The following ZCCHC14 variants were observed in gnomAD, a reference collection of about 807,000 sequenced individuals.
ZCCHC14 encodes zinc finger CCHC domain-containing protein 14.
A neutral mutation model predicts 85.0 loss-of-function variants in ZCCHC14; 16 were observed. That is an observed-to-expected ratio of 0.19 (90% CI 0.13 to 0.29). The LOEUF (loss-of-function observed/expected upper bound fraction) is 0.29, where lower values mean the gene tolerates loss of function less well. Among genes scored for constraint, ZCCHC14 ranks in the 10% least tolerant of loss-of-function variants. The pLI, the probability that ZCCHC14 is intolerant of heterozygous loss-of-function variation, is 1.00. For missense variants in ZCCHC14, 1,303 were observed against 1,443.5 expected (o/e 0.90, Z 1.58); for synonymous variants, 775 against 630.7 (o/e 1.23, Z -3.43).
Position 87,423,897 on chromosome 16 carries a change from A to C in ZCCHC14, c.769-16T>G, listed in dbSNP as rs1282144274. ...ACCACAAGACCTTAAAAACAAACAA[A>C]CAAACAAACCTTAGAAACAGACACC... On this transcript the variant is annotated splice_polypyrimidine_tract_variant and intron_variant, in intron 3 of 12. Transcript: ENST00000671377. 6.2e-7 allele frequency: 1 copy of C among 1,613,284 alleles called. No homozygotes were observed. The highest frequency in any genetic ancestry group is 1.3e-5 in the African/African-American group (1 of 74,908).
In ZCCHC14 at chr16:87,414,493, G is replaced by A. The variant is rs757011915; in HGVS notation, c.1524C>T (p.Val508=). The change falls in exon 10 of 13, where the codon GTC becomes GTT. Residue 508 remains valine, a synonymous_variant. Coordinates refer to ENST00000671377, the MANE Select transcript of ZCCHC14 (RefSeq NM_015144.3). ...RCLNPSAPPL[V]TSSGVARVPP... ...GCACTCGAGCCACACCACTGCTGGT[G>A]ACCAGCGGCGGGGCCGAGGGGTTCA... is the stretch of plus-strand genomic sequence containing the variant. The A allele has an allele frequency of 1.2e-6, 2 of 1,613,112 alleles. No homozygotes were observed. Among genetic ancestry groups the A allele is most frequent in the Admixed American group, 1.7e-5 (1 of 59,956 alleles).
chr16:87,461,240 T>C (rs1169738298), intron 1 of ZCCHC14, among the ~76,000 whole-genome samples: 2 of 152,180 alleles, frequency 1.3e-5, no homozygotes, highest in African/African-American at 2.4e-5. Flanking sequence ...ATGGTGTGAA[T>C]GTGGAATAAG....
At chr16:87,462,162 A>G (rs1244198987) in intron 1 of ZCCHC14, among the ~76,000 whole-genome samples, 1 of 151,504 alleles carries the variant, frequency 6.6e-6, no homozygotes, top group Non-Finnish European at 1.5e-5. Context: ...CAACTCCTCC[A>G]GAAAGTCAAT....
At chr16:87,441,886 A>G (rs1039874642) in intron 2 of ZCCHC14, among the ~76,000 whole-genome samples, 13 of 152,300 alleles carry the variant, frequency 8.5e-5, no homozygotes, top group African/African-American at 3.1e-4. Flanking sequence ...AAGCCCCTGG[A>G]AGGGAGACGC....
intron 2 of ZCCHC14, among the ~76,000 whole-genome samples, chr16:87,447,445 A>G (rs983671762): frequency 6.6e-6 from 1 of 152,226 alleles, no homozygotes; most frequent in Non-Finnish European, 1.5e-5. Context: ...TCAATTCTCT[A>G]AAAAGTCTTG....
Position 87,408,254 on chromosome 16 carries a change from C to T in ZCCHC14, c.*2026G>A, listed in dbSNP as rs990879333. ...AATGTTTTTTCCTTTTGTTATGAGA[C>T]GGTTTTCAACAATTTCAGTGTTGAA... is the stretch of plus-strand genomic sequence containing the variant. On this transcript the variant is annotated 3_prime_UTR_variant, in exon 13 of 13. Coordinates refer to ENST00000671377, the MANE Select transcript of ZCCHC14 (RefSeq NM_015144.3). The T allele has an allele frequency of 4.6e-5, 7 of 152,476 alleles. No individual in the cohort carries two copies. The highest frequency in any genetic ancestry group is 7.2e-5 in the African/African-American group (3 of 41,396). The allele number at this position is 152,476 out of a possible 1,614,324, so 9.4% of individuals were successfully genotyped here. A position where few individuals can be genotyped will look rare whatever the true frequency, so the allele number is the denominator to read the frequency against.
At chr16:87,425,044 C>T (rs1213507853) in intron 3 of ZCCHC14, among the ~76,000 whole-genome samples, 2 of 152,154 alleles carry the variant, frequency 1.3e-5, no homozygotes, top group African/African-American at 4.8e-5. Context: ...GTCTAGTCCC[C>T]GAGGTGTCCA....
At chr16:87,440,011 T>C (rs1309694841) in intron 2 of ZCCHC14, among the ~76,000 whole-genome samples, 1 of 152,184 alleles carries the variant, frequency 6.6e-6, no homozygotes, top group Non-Finnish European at 1.5e-5. Flanking sequence ...CTGCCTATGT[T>C]ACCCAGGCTG....
chr16:87,467,050 T>G (rs999776658), intron 1 of ZCCHC14: 32 of 436,242 alleles, frequency 7.3e-5, no homozygotes, highest in East Asian at 4.4e-4. Flanking sequence ...AAATTGTTTT[T>G]TTTTTTTTTT....
At chr16:87,418,151 TTC>T (rs139072251) in intron 7 of ZCCHC14, among the ~76,000 whole-genome samples, 5,625 of 152,342 alleles carry the variant, frequency 0.037, 159 homozygotes, top group Middle Eastern at 0.12. Flanking sequence ...CGATAGGTAT[TTC>T]TGTTACTTCT....
In ZCCHC14 at chr16:87,460,146, A is replaced by G. The variant is rs769273459; in HGVS notation, c.571-15T>C. Reference sequence around the variant, plus strand: ...CTTGGAGTGATCTGAGGGAACAGAAACAGAATCATCTTATTTTCTCCCACG... The same window carrying G: ...CTTGGAGTGATCTGAGGGAACAGAAGCAGAATCATCTTATTTTCTCCCACG... On this transcript the variant is annotated splice_polypyrimidine_tract_variant and intron_variant, in intron 1 of 12. Transcript: ENST00000671377. 1 of 1,612,834 alleles carries G rather than the reference A, an allele frequency of 6.2e-7. No homozygotes were observed. Among genetic ancestry groups the G allele is most frequent in the South Asian group, 1.1e-5 (1 of 90,878 alleles).
chr16:87,423,470 A>G (rs906210671), intron 4 of ZCCHC14, among the ~76,000 whole-genome samples: 10 of 152,256 alleles, frequency 6.6e-5, no homozygotes, highest in Non-Finnish European at 1.3e-4. Flanking sequence ...CCACCTGAGC[A>G]TGCCTCTCTC....
At position 87,408,448 on chromosome 16, in the gene ZCCHC14, GTACTC is replaced by G. The variant is rs1183475659; in HGVS notation, c.*1827_*1831del. The G allele has an allele frequency of 2.0e-5, 3 of 152,574 alleles. No individual in the cohort carries two copies. The highest frequency in any genetic ancestry group is 4.4e-5 in the Non-Finnish European group (3 of 68,034). The allele number at this position is 152,574 out of a possible 1,614,324, so 9.5% of individuals were successfully genotyped here. A position where few individuals can be genotyped will look rare whatever the true frequency, so the allele number is the denominator to read the frequency against. On this transcript the variant is annotated 3_prime_UTR_variant, in exon 13 of 13. Transcript: ENST00000671377. Reference sequence around the variant, plus strand: ...ACGTAATATGAGAAGGTCCAGTCTAGTACTCTTTAAGGCAAAGTTGTGTCAGTTCT... The same window carrying G: ...ACGTAATATGAGAAGGTCCAGTCTAGTTTAAGGCAAAGTTGTGTCAGTTCT...
At chr16:87,439,840 TA>T (rs1910101175) in intron 2 of ZCCHC14, among the ~76,000 whole-genome samples, 1 of 152,250 alleles carries the variant, frequency 6.6e-6, no homozygotes, top group South Asian at 2.1e-4. Context: ...ACTAGGTTGG[TA>T]AATCAAACCA....
chr16:87,473,992 C>T (rs1911891320), intron 1 of ZCCHC14: 1 of 152,214 alleles, frequency 6.6e-6, no homozygotes, highest in Non-Finnish European at 1.5e-5. Context: ...GTCCCCATCT[C>T]TTACTGTCAG....
intron 3 of ZCCHC14, among the ~76,000 whole-genome samples, chr16:87,429,436 C>A (rs977944708): frequency 6.6e-6 from 1 of 152,078 alleles, no homozygotes; most frequent in African/African-American, 2.4e-5. Flanking sequence ...CTCAGCCTCC[C>A]GAGTAGCTGG....
chr16:87,453,013 C>G (rs981097177), intron 2 of ZCCHC14, among the ~76,000 whole-genome samples: 3 of 152,236 alleles, frequency 2.0e-5, no homozygotes. Flanking sequence ...GCCAAGCACC[C>G]GTCTCCCTTG....
chr16:87,458,619 G>C (rs964159597), intron 2 of ZCCHC14, among the ~76,000 whole-genome samples: 1 of 152,192 alleles, frequency 6.6e-6, no homozygotes, highest in Admixed American at 6.5e-5. Context: ...GGTGGCTCTC[G>C]ATGGCGTTGT....
chr16:87,433,690 G>A (rs947770719), intron 2 of ZCCHC14, among the ~76,000 whole-genome samples: 2 of 151,346 alleles, frequency 1.3e-5, no homozygotes, highest in African/African-American at 4.9e-5. Flanking sequence ...TTTTTGAGAC[G>A]GAGTCTCACT....
Sources: allele counts gnomAD v4.1 joint callset (sites outside exome capture counted in the v4.1 genomes callset), GRCh38; gene constraint gnomAD v4.1.1; transcripts MANE v1.5; gene names NCBI Gene and HGNC (gene_info 2026-07-23, HGNC 2026-07-21).